The following TBC1D5 variants were observed in gnomAD, a reference collection of about 807,000 sequenced individuals.
The protein encoded by TBC1D5 is TBC1 domain family member 5.
A neutral mutation model predicts 100.3 loss-of-function variants in TBC1D5; 75 were observed. The ratio of observed to expected loss-of-function variants is 0.75; its 90% CI spans 0.62 to 0.91. TBC1D5 has a LOEUF of 0.91. Among genes scored for constraint, TBC1D5 ranks in the 40% least tolerant of loss-of-function variants. TBC1D5 has a pLI of 0.00. For missense variants in TBC1D5, 910 were observed against 942.4 expected (o/e 0.97, Z 0.45); for synonymous variants, 323 against 325.6 (o/e 0.99, Z 0.09).
intron 18 of TBC1D5, among the ~76,000 whole-genome samples, chr3:17,198,039 G>GA (rs2070951745): frequency 6.6e-6 from 1 of 151,974 alleles, no homozygotes; most frequent in Admixed American, 6.5e-5. Flanking sequence ...CCTGTCTCAA[G>GA]AAAAAAAGAA....
chr3:17,192,946 C>T (rs2070153108), intron 18 of TBC1D5, among the ~76,000 whole-genome samples: 1 of 152,356 alleles, frequency 6.6e-6, no homozygotes, highest in East Asian at 1.9e-4. Flanking sequence ...CCACATCCTC[C>T]TGTACTAGCA....
intron 3 of TBC1D5, among the ~76,000 whole-genome samples, chr3:17,471,044 G>C (rs925190380): frequency 6.6e-6 from 1 of 152,174 alleles, no homozygotes; most frequent in Admixed American, 6.5e-5. Flanking sequence ...GTCATTGCAA[G>C]GGGTTACCAC....
intron 2 of TBC1D5, among the ~76,000 whole-genome samples, chr3:17,571,797 T>A (rs1453174026): frequency 2.0e-5 from 3 of 152,172 alleles, no homozygotes; most frequent in Middle Eastern, 6.8e-3. Flanking sequence ...CAAGGAGATG[T>A]ACTACTCAAG....
chr3:17,328,428 T>C (rs2086444796), intron 13 of TBC1D5, among the ~76,000 whole-genome samples: 1 of 152,180 alleles, frequency 6.6e-6, no homozygotes, highest in African/African-American at 2.4e-5. Flanking sequence ...GTCTTCCTAC[T>C]GACCTAACCT....
intron 2 of TBC1D5, among the ~76,000 whole-genome samples, chr3:17,582,581 G>GGAGGTT (rs528417125): frequency 1.9e-4 from 29 of 151,902 alleles, no homozygotes; most frequent in South Asian, 4.1e-4. Flanking sequence ...TATTTAAATA[G>GGAGGTT]GAGGTTGAGG....
exon 22 of TBC1D5, chr3:17,157,253 T>C (rs1027111304): frequency 2.0e-5 from 3 of 152,244 alleles, no homozygotes; most frequent in Non-Finnish European, 2.9e-5. Context: ...GTATGAGTTA[T>C]AGCATAAAGA....
chr3:17,686,375 T>A (rs759705264), intron 1 of TBC1D5, among the ~76,000 whole-genome samples: 1 of 152,126 alleles, frequency 6.6e-6, no homozygotes, highest in Non-Finnish European at 1.5e-5. Flanking sequence ...ATAGAAATAA[T>A]AACTTTGTGA....
intron 13 of TBC1D5, among the ~76,000 whole-genome samples, chr3:17,350,315 G>C (rs1307662457): frequency 7.8e-6 from 1 of 127,506 alleles, no homozygotes; most frequent in Admixed American, 7.2e-5. Flanking sequence ...GAAACGCATG[G>C]GAGGAATGAC....
At chr3:17,364,741 C>T (rs1373909630) in intron 13 of TBC1D5, among the ~76,000 whole-genome samples, 1 of 152,064 alleles carries the variant, frequency 6.6e-6, no homozygotes, top group Non-Finnish European at 1.5e-5. Context: ...ATTATGCTTC[C>T]TTTGTAAATA....
chr3:17,705,586 G>A (rs2074021297), intron 1 of TBC1D5, among the ~76,000 whole-genome samples: 1 of 138,620 alleles, frequency 7.2e-6, no homozygotes, highest in East Asian at 2.3e-4. Context: ...CGGCCGGGCA[G>A]AGGCGCTCCT....
intron 15 of TBC1D5, among the ~76,000 whole-genome samples, chr3:17,273,104 C>A (rs2079600924): frequency 6.6e-6 from 1 of 152,136 alleles, no homozygotes; most frequent in Admixed American, 6.5e-5. Context: ...AATATGTAAA[C>A]AACTTTCAAC....
In TBC1D5 at chr3:17,353,351, A is replaced by G. The variant is rs1374198; in HGVS notation, c.995+18724T>C. On this transcript the variant is annotated intron_variant, in intron 13 of 21. Coordinates refer to ENST00000253692, the Ensembl canonical transcript of TBC1D5. ...TTTCTACAGCAAGAGTATAAGGTCCATAAGTCCATTGGTTTACTTTTTAGT... is the reference window on the plus strand; with the variant it reads ...TTTCTACAGCAAGAGTATAAGGTCCGTAAGTCCATTGGTTTACTTTTTAGT... 3.5e-3 allele frequency among the ~76,000 whole-genome samples: 531 copies of G among 152,112 alleles called. 4 individuals carry two copies. Among genetic ancestry groups the G allele is most frequent in the African/African-American group, 0.012 (499 of 41,486 alleles).
chr3:17,531,689 C>T (rs1195536452), intron 2 of TBC1D5, among the ~76,000 whole-genome samples: 4 of 152,268 alleles, frequency 2.6e-5, no homozygotes, highest in African/African-American at 9.6e-5. Flanking sequence ...CACATATCTA[C>T]AACTATTTGA....
chr3:17,307,972 G>A lies in TBC1D5; in HGVS notation c.1138+20C>T. On this transcript the variant is annotated intron_variant, in intron 14 of 21. Coordinates refer to ENST00000253692, the Ensembl canonical transcript of TBC1D5. ...ATCAGGAGTACCTAGTCAAATGTAG[G>A]AAAGGTCATTAATACTTACAAGCAT... is the stretch of plus-strand genomic sequence containing the variant. 6.3e-7 allele frequency: 1 copy of A among 1,590,950 alleles called. No homozygotes were observed. Among genetic ancestry groups the A allele is most frequent in the Non-Finnish European group, 8.5e-7 (1 of 1,173,128 alleles).
At chr3:17,195,209 G>T (rs2070486718) in intron 18 of TBC1D5, among the ~76,000 whole-genome samples, 1 of 152,126 alleles carries the variant, frequency 6.6e-6, no homozygotes, top group South Asian at 2.1e-4. Context: ...CCATCTTTTG[G>T]GCTTTTATGC....
intron 2 of TBC1D5, among the ~76,000 whole-genome samples, chr3:17,556,389 T>C (rs566988484): frequency 5.2e-4 from 79 of 152,288 alleles, no homozygotes; most frequent in African/African-American, 1.6e-3. Flanking sequence ...TTTCCTGTAT[T>C]TTCATCATCA....
Position 17,233,624 on chromosome 3 carries a change from T to A in TBC1D5, c.1588+4539A>T, listed in dbSNP as rs1576165903. 11 of 953,674 alleles carry A rather than the reference T, an allele frequency of 1.2e-5. 1 individual carries two copies. In the South Asian group the frequency reaches 1.8e-4, roughly 16 times the overall value. The allele number at this position is 953,674 out of a possible 1,614,324, so 59.1% of individuals were successfully genotyped here. A position where few individuals can be genotyped will look rare whatever the true frequency, so the allele number is the denominator to read the frequency against. On this transcript the variant is annotated intron_variant, in intron 17 of 21. Transcript: ENST00000253692. ...CAAAAAGAAAAATGGAGTTTTGGAG[T>A]AGGCAATGATAATACTGTAGGCAAA...
intron 3 of TBC1D5, among the ~76,000 whole-genome samples, chr3:17,505,888 C>G (rs1427959837): frequency 3.9e-5 from 6 of 152,052 alleles, no homozygotes; most frequent in African/African-American, 1.4e-4. Context: ...ATGCTGTTCT[C>G]TATTTGAAAA....
At chr3:17,439,567 A>G (rs1706293024) in intron 3 of TBC1D5, among the ~76,000 whole-genome samples, 1 of 152,140 alleles carries the variant, frequency 6.6e-6, no homozygotes. Context: ...ATGTTTACCA[A>G]TTCCTTCAAA....
Sources: allele counts gnomAD v4.1 joint callset (sites outside exome capture counted in the v4.1 genomes callset), GRCh38; gene constraint gnomAD v4.1.1; transcripts MANE v1.5; gene names NCBI Gene and HGNC (gene_info 2026-07-23, HGNC 2026-07-21).